FBXO11: variants seen among roughly 807,000 people sequenced by gnomAD.
FBXO11 encodes the protein F-box protein 11, also known as F-box only protein 11.
In FBXO11, 13 loss-of-function variants were observed where a neutral mutation model predicts 117.0. That is an observed-to-expected ratio of 0.11 (90% CI 0.07 to 0.18). The LOEUF is 0.18. Ranked by LOEUF, FBXO11 falls within the 10% of genes least tolerant of loss-of-function variation. The pLI, the probability that FBXO11 is intolerant of heterozygous loss-of-function variation, is 1.00. For synonymous variants in FBXO11, 490 were observed against 380.5 expected (o/e 1.29, Z -3.35); for missense variants, 767 against 1,164.4 (o/e 0.66, Z 4.97).
rs79458226 is a variant in FBXO11, at chr2:47,891,499, T to C, written c.232+13990A>G. On this transcript the variant is annotated intron_variant, in intron 1 of 22. Transcript: ENST00000403359. ...TTCCATTGCATGTATACACCACATT[T>C]TCTTTATTTCTTCATCTGTCAATGG... Among the ~76,000 whole-genome samples the C allele has an allele frequency of 3.9e-3, 589 of 152,338 alleles. 3 individuals carry two copies. Among genetic ancestry groups the C allele is most frequent in the African/African-American group, 0.013 (536 of 41,578 alleles).
intron 11 of FBXO11, among the ~76,000 whole-genome samples, chr2:47,827,602 C>T (rs999645416): frequency 3.3e-5 from 5 of 152,162 alleles, no homozygotes; most frequent in Admixed American, 1.3e-4. Flanking sequence ...CCACTGAACC[C>T]GGCCTGCTTC....
In FBXO11 at chr2:47,807,950, G is replaced by A; in HGVS notation, c.*168C>T. 1.6e-6 allele frequency: 1 copy of A among 629,102 alleles called. No individual in the cohort carries two copies. Among genetic ancestry groups the A allele is most frequent in the Admixed American group, 2.8e-5 (1 of 36,080 alleles). 39.0% of individuals were successfully genotyped at this position (629,102 alleles called of 1,614,324 possible). On this transcript the variant is annotated 3_prime_UTR_variant, in exon 23 of 23. Coordinates refer to ENST00000403359, the MANE Select transcript of FBXO11 (RefSeq NM_001190274.2). ...CTTTGAGATCCTGAGTCAATATATTGCCACTTTCTTTTTGGTAGCTTGAGC... is the reference window on the plus strand; with the variant it reads ...CTTTGAGATCCTGAGTCAATATATTACCACTTTCTTTTTGGTAGCTTGAGC...
chr2:47,848,555 C>T (rs561885544), intron 1 of FBXO11, among the ~76,000 whole-genome samples: 14 of 152,182 alleles, frequency 9.2e-5, no homozygotes, highest in African/African-American at 3.1e-4. Flanking sequence ...AAAGTTAATA[C>T]GCAATTTAAA....
chr2:47,822,198 G>A lies in FBXO11; in HGVS notation c.1702+20C>T, dbSNP rs767452636. ...GACATACAAATCTATAAGTTTTATA[G>A]AACAAAACCATACGCTTACCATAAA... On this transcript the variant is annotated intron_variant, in intron 13 of 22. Transcript: ENST00000403359. 10 of 1,525,944 alleles carry A rather than the reference G, an allele frequency of 6.6e-6. No homozygotes were observed. Among genetic ancestry groups the A allele is most frequent in the South Asian group, 2.4e-5 (2 of 83,596 alleles). The allele number at this position is 1,525,944 out of a possible 1,614,324, so 94.5% of individuals were successfully genotyped here. A position where few individuals can be genotyped will look rare whatever the true frequency, so the allele number is the denominator to read the frequency against.
chr2:47,846,435 C>T (rs1374279235), intron 1 of FBXO11, among the ~76,000 whole-genome samples: 1 of 152,164 alleles, frequency 6.6e-6, no homozygotes, highest in Non-Finnish European at 1.5e-5. Context: ...CCATTGCACT[C>T]CAGCCTGGGC....
At chr2:47,809,497 G>C (rs1015571606) in intron 20 of FBXO11, 103 bp downstream of exon 20, 1 of 850,046 alleles carries the variant, frequency 1.2e-6, no homozygotes. Flanking sequence ...TTAAACTGTT[G>C]CTAACTTGGA....
intron 1 of FBXO11, among the ~76,000 whole-genome samples, chr2:47,877,967 G>A (rs1676136131): frequency 6.6e-6 from 1 of 152,178 alleles, no homozygotes; most frequent in East Asian, 1.9e-4. Flanking sequence ...ACAGGCGTGA[G>A]CCACCGTGCC....
At chr2:47,903,711 G>A (rs967773738) in intron 1 of FBXO11, among the ~76,000 whole-genome samples, 9 of 152,254 alleles carry the variant, frequency 5.9e-5, no homozygotes, top group African/African-American at 2.2e-4. Flanking sequence ...TCTTGAAAAA[G>A]CTTACTGTAG....
At chr2:47,833,138 G>C (rs984652707) in intron 7 of FBXO11, 68 bp from the exon 8 acceptor site, 1 of 1,035,952 alleles carries the variant, frequency 9.7e-7, no homozygotes, top group African/African-American at 1.6e-5. Context: ...CTTTATGGAG[G>C]GGGAACTTAC....
intron 11 of FBXO11, among the ~76,000 whole-genome samples, chr2:47,830,954 A>G (rs777524930): frequency 2.6e-5 from 4 of 152,026 alleles, no homozygotes; most frequent in Non-Finnish European, 4.4e-5. Context: ...GTGAGCCACC[A>G]TGCCCAGCTA....
Position 47,859,551 on chromosome 2 carries a change from G to A in FBXO11, c.233-19782C>T, listed in dbSNP as rs992567353. 3.9e-5 allele frequency among the ~76,000 whole-genome samples: 6 copies of A among 152,330 alleles called. 1 individual carries two copies. In the South Asian group the frequency reaches 1.2e-3, roughly 32 times the overall value. ...ACAAAAAGAGTATATTTCCATAAAT[G>A]GATGAGACCTCAAGAAAGATTCTCT... On this transcript the variant is annotated intron_variant, in intron 1 of 22. Transcript: ENST00000403359.
intron 1 of FBXO11, among the ~76,000 whole-genome samples, chr2:47,903,670 C>A (rs1678495421): frequency 6.6e-6 from 1 of 152,142 alleles, no homozygotes; most frequent in Non-Finnish European, 1.5e-5. Flanking sequence ...ACGTTTTGAT[C>A]CAATGCTAAT....
At chr2:47,877,839 C>A (rs1417002845) in intron 1 of FBXO11, among the ~76,000 whole-genome samples, 2 of 152,224 alleles carry the variant, frequency 1.3e-5, no homozygotes, top group Non-Finnish European at 2.9e-5. Flanking sequence ...CGCGTGCCAA[C>A]ACGCCCAGCT....
At chr2:47,839,547 C>T (rs374225717) in intron 2 of FBXO11, 47 bp from the exon 3 acceptor site, 5 of 1,604,994 alleles carry the variant, frequency 3.1e-6, no homozygotes, top group East Asian at 2.2e-5. Flanking sequence ...TCTTATCATC[C>T]ATAATCATTA....
chr2:47,903,079 T>TA (rs1678422248), intron 1 of FBXO11, among the ~76,000 whole-genome samples: 1 of 152,244 alleles, frequency 6.6e-6, no homozygotes, highest in Non-Finnish European at 1.5e-5. Context: ...ACTTTCGAAA[T>TA]AGAGTATTCT....
intron 1 of FBXO11, among the ~76,000 whole-genome samples, chr2:47,840,133 T>C (rs934758975): frequency 4.8e-4 from 73 of 151,458 alleles, no homozygotes; most frequent in African/African-American, 1.7e-3. Flanking sequence ...TTAGTAAAGA[T>C]GGGGTTTCAT....
intron 1 of FBXO11, among the ~76,000 whole-genome samples, chr2:47,891,346 T>TATAA (rs1677246890): frequency 6.6e-6 from 1 of 152,228 alleles, no homozygotes; most frequent in African/African-American, 2.4e-5. Context: ...TAAATTTGAC[T>TATAA]ATTTCAGATA....
chr2:47,833,237 C>A (rs1002278930), intron 7 of FBXO11, among the ~76,000 whole-genome samples, 167 bp from the exon 8 acceptor site: 1 of 152,162 alleles, frequency 6.6e-6, no homozygotes, highest in Non-Finnish European at 1.5e-5. Flanking sequence ...CAAATCCATG[C>A]ACAGTATTAC....
intron 18 of FBXO11, chr2:47,811,351 A>G (rs1670599377): frequency 6.6e-6 from 1 of 152,110 alleles, no homozygotes; most frequent in African/African-American, 2.4e-5. Context: ...CAGCCTCCCA[A>G]GCAGCTGGGA....
Sources: gnomAD v4.1 joint callset for allele counts (sites outside exome capture counted in the v4.1 genomes callset) on GRCh38, gnomAD v4.1.1 for gene constraint, MANE v1.5 for transcripts, NCBI Gene and HGNC (gene_info 2026-07-23, HGNC 2026-07-21) for gene names.